The following SLC6A11 variants were observed in gnomAD, a reference collection of about 807,000 sequenced individuals.
The protein encoded by SLC6A11 is solute carrier family 6 member 11.
SLC6A11 carries 25 observed loss-of-function variants against 74.8 expected under a neutral mutation model. The observed-to-expected ratio is 0.33, with a 90% CI of 0.24 to 0.47. The LOEUF is 0.47. Among genes scored for constraint, SLC6A11 ranks in the 20% least tolerant of loss-of-function variants. SLC6A11 has a pLI of 1.00. For synonymous variants in SLC6A11, 330 were observed against 330.2 expected (o/e 1.00, Z 0.01); for missense variants, 574 against 837.0 (o/e 0.69, Z 3.88).
intron 5 of SLC6A11, among the ~76,000 whole-genome samples, chr3:10,867,189 A>G (rs1448719487): frequency 5.9e-5 from 9 of 152,180 alleles, no homozygotes; most frequent in African/African-American, 2.2e-4. Flanking sequence ...GCGATGGATT[A>G]TGAGTTGCTG....
At chr3:10,881,697 G>C (rs78584676) in intron 6 of SLC6A11, among the ~76,000 whole-genome samples, 1,712 of 152,356 alleles carry the variant, frequency 0.011, 77 homozygotes, top group South Asian at 0.1. Flanking sequence ...GCCTGGGCCA[G>C]GACAAGTGGG....
chr3:10,882,240 C>G (rs1694989945), intron 6 of SLC6A11, among the ~76,000 whole-genome samples: 1 of 152,202 alleles, frequency 6.6e-6, no homozygotes, highest in South Asian at 2.1e-4. Flanking sequence ...TACTTTCCTG[C>G]TCTTTATGCA....
At chr3:10,846,404 G>A (rs974128331) in intron 5 of SLC6A11, among the ~76,000 whole-genome samples, 2 of 152,190 alleles carry the variant, frequency 1.3e-5, no homozygotes, top group Non-Finnish European at 2.9e-5. Flanking sequence ...GCTTGGCGGG[G>A]TGGTGGCTGT....
Position 10,819,711 on chromosome 3 carries a change from G to A in SLC6A11, c.392-1G>A. On this transcript the variant is annotated splice_acceptor_variant, in intron 2 of 13. Coordinates refer to ENST00000254488, the MANE Select transcript of SLC6A11 (RefSeq NM_014229.3). LOFTEE classifies it high-confidence loss of function. ...TTCCTTCCTTTCTTTTGTCCTTTCAGGCATTGGCTATGCAACACAGGTGAT... is the reference window on the plus strand; with the variant it reads ...TTCCTTCCTTTCTTTTGTCCTTTCAAGCATTGGCTATGCAACACAGGTGAT... 1 of 1,613,880 alleles carries A rather than the reference G, an allele frequency of 6.2e-7. No individual in the cohort carries two copies. The highest frequency in any genetic ancestry group is 1.3e-5 in the African/African-American group (1 of 75,056).
rs1169094608 is a variant in SLC6A11 at position 10,844,464 on chromosome 3, G to C, written c.756+118G>C. 2.4e-6 allele frequency: 3 copies of C among 1,240,940 alleles called. No individual in the cohort carries two copies. In the African/African-American group the frequency reaches 4.4e-5, roughly 18 times the overall value. 76.9% of individuals were successfully genotyped at this position (1,240,940 alleles called of 1,614,324 possible). Reference sequence around the variant, plus strand: ...GGCCAGCACTTAAGTTGGGAGCGGGGAGGAACACTGGACCAGAGTGAGCTC... The same window carrying C: ...GGCCAGCACTTAAGTTGGGAGCGGGCAGGAACACTGGACCAGAGTGAGCTC... On this transcript the variant is annotated intron_variant, in intron 5 of 13. Transcript: ENST00000254488.
chr3:10,883,414 C>G (rs1695006008), intron 6 of SLC6A11, among the ~76,000 whole-genome samples: 1 of 152,116 alleles, frequency 6.6e-6, no homozygotes, highest in African/African-American at 2.4e-5. Flanking sequence ...GTTTTCAGGG[C>G]AAGAACAGAA....
intron 11 of SLC6A11, among the ~76,000 whole-genome samples, chr3:10,933,621 G>T (rs1374899047): frequency 6.6e-6 from 1 of 152,182 alleles, no homozygotes; most frequent in Non-Finnish European, 1.5e-5. Context: ...AGGTCCTCCT[G>T]CTCCCCAAGC....
At chr3:10,890,277 C>G (rs962114717) in intron 6 of SLC6A11, among the ~76,000 whole-genome samples, 10 of 152,328 alleles carry the variant, frequency 6.6e-5, no homozygotes, top group Non-Finnish European at 1.3e-4. Flanking sequence ...TCCTGGTGCC[C>G]TGAAGGCACG....
At chr3:10,862,412 A>G (rs1694712767) in intron 5 of SLC6A11, among the ~76,000 whole-genome samples, 1 of 152,180 alleles carries the variant, frequency 6.6e-6, no homozygotes, top group Non-Finnish European at 1.5e-5. Context: ...AGCTAACCTT[A>G]ATTCACCATG....
chr3:10,853,906 C>A (rs1337906332), intron 5 of SLC6A11, among the ~76,000 whole-genome samples: 3 of 152,190 alleles, frequency 2.0e-5, no homozygotes, highest in Non-Finnish European at 4.4e-5. Context: ...TGGATGGTAG[C>A]ACCAGTGGGC....
At position 10,934,116 on chromosome 3, in the gene SLC6A11, C is replaced by T; in HGVS notation, c.1525C>T (p.Pro509Ser). ...TGAAGACATGATTGGCTACCGGCCA[C>T]CGTCGCTCATTAAGTGGTGCTGGAT... The part of the protein sequence containing the change: ...NIEDMIGYRP[P>S]SLIKWCWMIM... Residue 509 changes from proline to serine, a missense_variant, in exon 12 of 14, where the codon CCG becomes TCG. By Grantham distance (74) the Pro-to-Ser change is moderately conservative (BLOSUM62 -1). This residue lies in a region of SLC6A11 where 257 missense variants were observed against 341.5 expected (regional missense o/e 0.75). Coordinates refer to ENST00000254488, the MANE Select transcript of SLC6A11 (RefSeq NM_014229.3). The T allele has an allele frequency of 6.2e-7, 1 of 1,614,092 alleles. No homozygotes were observed. Among genetic ancestry groups the T allele is most frequent in the Non-Finnish European group, 8.5e-7 (1 of 1,179,948 alleles).
chr3:10,848,740 A>G (rs1694536751), intron 5 of SLC6A11, among the ~76,000 whole-genome samples: 1 of 152,230 alleles, frequency 6.6e-6, no homozygotes, highest in Non-Finnish European at 1.5e-5. Context: ...TCTGAGTATT[A>G]GCTCCAGCAT....
intron 6 of SLC6A11, among the ~76,000 whole-genome samples, chr3:10,884,299 T>C (rs1399719376): frequency 2.0e-5 from 3 of 152,210 alleles, no homozygotes; most frequent in Non-Finnish European, 4.4e-5. Context: ...ATTGCTGACT[T>C]TATGCCAGGT....
At position 10,935,119 on chromosome 3, in the gene SLC6A11, C is replaced by G. The variant is rs1450808272; in HGVS notation, c.1666C>G (p.Leu556Val). ...YPAWGYGIGW[L>V]MALSSMLCIP... The stretch of plus-strand genomic sequence containing the variant: ...AGCCTGGGGCTATGGCATTGGCTGG[C>G]TCATGGCCCTGTCCTCCATGCTCTG... The change falls in exon 13 of 14, where the codon CTC becomes GTC. Residue 556 changes from leucine to valine, a missense_variant. Transcript: ENST00000254488. 6.2e-7 allele frequency: 1 copy of G among 1,614,080 alleles called. No homozygotes were observed. Among genetic ancestry groups the G allele is most frequent in the Non-Finnish European group, 8.5e-7 (1 of 1,179,898 alleles).
chr3:10,885,761 GT>G (rs5846686), intron 6 of SLC6A11, among the ~76,000 whole-genome samples: 152,238 of 152,238 alleles, frequency 1, 76,119 homozygotes, highest in Non-Finnish European at 1. Context: ...CTGTGGCAGG[GT>G]TGGGAGCCCC....
intron 5 of SLC6A11, among the ~76,000 whole-genome samples, chr3:10,862,489 A>C (rs1694713645): frequency 6.6e-6 from 1 of 152,196 alleles, no homozygotes; most frequent in East Asian, 1.9e-4. Flanking sequence ...AGGGATTTAA[A>C]TTGGGCTCAG....
At chr3:10,894,601 C>T (rs2106616823) in intron 6 of SLC6A11, among the ~76,000 whole-genome samples, 1 of 152,272 alleles carries the variant, frequency 6.6e-6, no homozygotes, top group South Asian at 2.1e-4. Context: ...AAGTCAAACT[C>T]ACAGAAGCAG....
intron 5 of SLC6A11, among the ~76,000 whole-genome samples, chr3:10,852,839 T>C (rs1329953525): frequency 6.6e-6 from 1 of 152,208 alleles, no homozygotes; most frequent in African/African-American, 2.4e-5. Flanking sequence ...TTGTATCTAC[T>C]GAATATTAGC....
At chr3:10,843,336 T>G (rs888535298) in intron 4 of SLC6A11, among the ~76,000 whole-genome samples, 1 of 152,258 alleles carries the variant, frequency 6.6e-6, no homozygotes, top group Admixed American at 6.5e-5. Flanking sequence ...AGGCTCCCTG[T>G]GTTACTGCCT....
Sources: allele counts gnomAD v4.1 joint callset (sites outside exome capture counted in the v4.1 genomes callset), GRCh38; gene constraint gnomAD v4.1.1; regional missense constraint gnomAD v4.1.1; transcripts MANE v1.5; gene names NCBI Gene and HGNC (gene_info 2026-07-23, HGNC 2026-07-21).